USH2A: variants seen among roughly 807,000 people sequenced by gnomAD.
USH2A encodes the protein usherin.
In USH2A, 443 loss-of-function variants were observed where a neutral mutation model predicts 538.9. The observed-to-expected ratio is 0.82, with a 90% CI of 0.76 to 0.89. USH2A has a LOEUF of 0.89. Ranked by LOEUF, USH2A falls within the 40% of genes least tolerant of loss-of-function variation. USH2A has a pLI of 0.00. For missense variants in USH2A, 6,633 were observed against 6,324.8 expected (o/e 1.05, Z -1.65); for synonymous variants, 2,413 against 2,273.5 (o/e 1.06, Z -1.75).
chr1:216,372,873 T>C (rs2038741335), intron 3 of USH2A, among the ~76,000 whole-genome samples: 2 of 152,206 alleles, frequency 1.3e-5, no homozygotes, highest in African/African-American at 4.8e-5. Flanking sequence ...CATTGTGCCT[T>C]TTTCTATTTT....
chr1:215,985,900 G>C (rs1045281209), intron 35 of USH2A, among the ~76,000 whole-genome samples: 1 of 152,124 alleles, frequency 6.6e-6, no homozygotes, highest in East Asian at 1.9e-4. Context: ...AAGGTACTAC[G>C]TGTAAGTCTA....
At chr1:215,811,585 C>T (rs1465671540) in intron 49 of USH2A, among the ~76,000 whole-genome samples, 1 of 143,912 alleles carries the variant, frequency 6.9e-6, no homozygotes, top group East Asian at 2.1e-4. Flanking sequence ...CATTCCCTAG[C>T]CCTATGCCTA....
chr1:215,938,312 C>T (rs957235181), intron 37 of USH2A, among the ~76,000 whole-genome samples: 2 of 152,052 alleles, frequency 1.3e-5, no homozygotes, highest in Non-Finnish European at 2.9e-5. Context: ...AGATTCAAAA[C>T]CAAAGCAGGA....
At position 215,743,227 on chromosome 1, in the gene USH2A, T is replaced by C; in HGVS notation, c.11498A>G (p.Asn3833Ser). Residue 3833 changes from asparagine to serine, a missense_variant, in exon 59 of 72, where the codon AAT (asparagine) becomes AGT (serine). By Grantham distance (46) the Asn-to-Ser change is conservative. Transcript: ENST00000307340. Reference protein sequence around the residue: ...VGHHQSTLLENLTPFTQYEIR... With the variant: ...VGHHQSTLLESLTPFTQYEIR... Reference sequence around the variant, plus strand: ...CTCATACTGTGTGAATGGAGTCAAATTTTCCAGAAGGGTGGATTGATGATG... The same window carrying C: ...CTCATACTGTGTGAATGGAGTCAAACTTTCCAGAAGGGTGGATTGATGATG... 1 of 1,612,418 alleles carries C rather than the reference T, an allele frequency of 6.2e-7. No homozygotes were observed. Among genetic ancestry groups the C allele is most frequent in the Non-Finnish European group, 8.5e-7 (1 of 1,179,500 alleles).
chr1:216,359,289 A>G lies in USH2A; in HGVS notation c.784+5664T>C, dbSNP rs191384075. 2.6e-5 allele frequency among the ~76,000 whole-genome samples: 4 copies of G among 152,208 alleles called. No homozygotes were observed. In the East Asian group the frequency reaches 7.7e-4, roughly 29 times the overall value. ...TATCTTATTGTTTCACAATAAGAAA[A>G]TTGATGTTCAAAGAGTTTAAAAATA... is the stretch of plus-strand genomic sequence containing the variant. On this transcript the variant is annotated intron_variant, in intron 4 of 71. Coordinates refer to ENST00000307340, the MANE Select transcript of USH2A (RefSeq NM_206933.4).
intron 41 of USH2A, among the ~76,000 whole-genome samples, chr1:215,882,376 C>G (rs1664934135): frequency 6.6e-6 from 1 of 152,066 alleles, no homozygotes; most frequent in African/African-American, 2.4e-5. Flanking sequence ...TGATGGACTC[C>G]CCTGAAAAAT....
Position 215,675,346 on chromosome 1 carries a change from C to T in USH2A, c.12565G>A (p.Glu4189Lys). 6.2e-7 allele frequency: 1 copy of T among 1,614,160 alleles called. No homozygotes were observed. The highest frequency in any genetic ancestry group is 8.5e-7 in the Non-Finnish European group (1 of 1,180,038). The change falls in exon 63 of 72, where the codon GAA (glutamate) becomes AAA (lysine). Residue 4189 changes from glutamate (E) to lysine (K), a missense_variant. Glu to Lys is a moderately conservative substitution (Grantham distance 56). Coordinates refer to ENST00000307340, the MANE Select transcript of USH2A (RefSeq NM_206933.4). ...VNPNGKIIRY[E>K]VIRRCFEGKA... ...CCCTCGAAGCATCTGCGAATCACTT[C>T]ATAGCGAATTATTTTTCCATTTGGG...
rs1300638980 is a variant in USH2A at position 216,128,098 on chromosome 1, T to C, written c.4628-30885A>G. On this transcript the variant is annotated intron_variant, in intron 21 of 71. Coordinates refer to ENST00000307340, the MANE Select transcript of USH2A (RefSeq NM_206933.4). The stretch of plus-strand genomic sequence containing the variant: ...TGCACTGACTTTTATGAGGAAAATG[T>C]AGATATTATTAGGGTAGAAACTGTT... Among the ~76,000 whole-genome samples the C allele has an allele frequency of 2.6e-5, 4 of 152,142 alleles. No individual in the cohort carries two copies. The East Asian group carries it at 5.8e-4, about 22-fold the overall frequency.
intron 13 of USH2A, among the ~76,000 whole-genome samples, chr1:216,237,613 C>T (rs1329242608): frequency 6.6e-6 from 1 of 151,898 alleles, no homozygotes; most frequent in Non-Finnish European, 1.5e-5. Flanking sequence ...AGATTTCATT[C>T]CCCCAATTAG....
At chr1:215,630,054 TAG>T (rs1656214210) in intron 70 of USH2A, 3 of 507,578 alleles carry the variant, frequency 5.9e-6, no homozygotes, top group Non-Finnish European at 1.2e-5. Flanking sequence ...CTTTTTTCAG[TAG>T]AGTTTTCACT....
intron 30 of USH2A, among the ~76,000 whole-genome samples, chr1:216,063,708 A>G (rs1383476132): frequency 6.6e-6 from 1 of 152,224 alleles, no homozygotes; most frequent in Admixed American, 6.5e-5. Context: ...CAAGTGAAAG[A>G]TAAAACTAAA....
chr1:215,729,022 T>A (rs894940878), intron 60 of USH2A, among the ~76,000 whole-genome samples: 5 of 152,196 alleles, frequency 3.3e-5, no homozygotes, highest in African/African-American at 1.2e-4. Context: ...TCTTCCTGTA[T>A]CCAGGCCTTT....
intron 37 of USH2A, among the ~76,000 whole-genome samples, chr1:215,943,331 G>T (rs75486666): frequency 0.032 from 4,875 of 152,096 alleles, 120 homozygotes; most frequent in South Asian, 0.084. Flanking sequence ...AAAAAATGCA[G>T]TAAGTATTTA....
rs781558053 is a variant in USH2A, at chr1:215,648,573, G to A, written c.14537C>T (p.Ser4846Phe). The A allele has an allele frequency of 5.6e-6, 9 of 1,614,074 alleles. No homozygotes were observed. In the South Asian group the frequency reaches 8.8e-5, roughly 16 times the overall value. Reference sequence around the variant, plus strand: ...GAACATGGGGGGACTCCACCGGAAGGAGGCCGTCCTTGAGGCCAGCGTCCC... The same window carrying A: ...GAACATGGGGGGACTCCACCGGAAGAAGGCCGTCCTTGAGGCCAGCGTCCC... The part of the protein sequence containing the change: ...QIGTLASRTA[S>F]FRWSPPMFPN... The change falls in exon 66 of 72, where the codon TCC (serine) becomes TTC (phenylalanine). Residue 4846 changes from serine to phenylalanine, a missense_variant. Coordinates refer to ENST00000307340, the MANE Select transcript of USH2A (RefSeq NM_206933.4).
intron 4 of USH2A, among the ~76,000 whole-genome samples, chr1:216,351,104 A>G (rs1170973348): frequency 1.3e-5 from 2 of 152,204 alleles, no homozygotes; most frequent in Admixed American, 1.3e-4. Context: ...TGTGATAGGC[A>G]ATCTTCTGGA....
At chr1:215,794,774 G>C (rs2102774308) in intron 50 of USH2A, among the ~76,000 whole-genome samples, 1 of 152,254 alleles carries the variant, frequency 6.6e-6, no homozygotes, top group African/African-American at 2.4e-5. Context: ...AGAAATGTTT[G>C]ACTGGCATGC....
intron 32 of USH2A, among the ~76,000 whole-genome samples, chr1:216,043,219 C>A (rs1393930153): frequency 2.0e-5 from 3 of 152,194 alleles, no homozygotes; most frequent in East Asian, 3.9e-4. Context: ...TGATTACTGA[C>A]TAGAGTTTCT....
intron 21 of USH2A, among the ~76,000 whole-genome samples, chr1:216,165,223 C>G (rs968068909): frequency 6.6e-6 from 1 of 152,052 alleles, no homozygotes; most frequent in Non-Finnish European, 1.5e-5. Context: ...TCATCTTAAA[C>G]CTATTGCAAT....
At chr1:216,352,844 G>T (rs2038312559) in intron 4 of USH2A, among the ~76,000 whole-genome samples, 1 of 151,978 alleles carries the variant, frequency 6.6e-6, no homozygotes, top group African/African-American at 2.4e-5. Context: ...TAATTTTTAT[G>T]GTAAAGTTGG....
Sources: gnomAD v4.1 joint callset for allele counts (sites outside exome capture counted in the v4.1 genomes callset) on GRCh38, gnomAD v4.1.1 for gene constraint, MANE v1.5 for transcripts, NCBI Gene and HGNC (gene_info 2026-07-23, HGNC 2026-07-21) for gene names.